The following OVOL2 variants were observed in gnomAD, a reference collection of about 807,000 sequenced individuals.
The protein encoded by OVOL2 is transcription factor Ovo-like 2.
Under a neutral mutation model 18.1 loss-of-function variants are expected in OVOL2, and 13 were observed. That is an observed-to-expected ratio of 0.72 (90% confidence interval 0.47 to 1.14). The LOEUF (loss-of-function observed/expected upper bound fraction) is 1.14. OVOL2 is among the 50% of genes most tolerant of loss of function. OVOL2 has a pLI of 0.00. For missense variants in OVOL2, 335 were observed against 383.0 expected, an observed-to-expected ratio of 0.87 and a Z score of 1.05; for synonymous variants, 166 against 162.7, an observed-to-expected ratio of 1.02 and a Z score of -0.16.
chr20:18,043,330 A>G (rs2036692754), intron 2 of OVOL2, among the ~76,000 whole-genome samples: 1 of 152,158 alleles, frequency 6.6e-6, no homozygotes. Flanking sequence ...GACCAGTTGG[A>G]TCAACAGAAT....
upstream of OVOL2, among the ~76,000 whole-genome samples, chr20:18,058,410 C>CA (rs1043299847): frequency 6.8e-6 from 1 of 147,944 alleles, no homozygotes; most frequent in African/African-American, 2.6e-5. Context: ...CAACACCCCC[C>CA]CCCCATAAGC....
chr20:18,034,569 G>C (rs1455225712), intron 3 of OVOL2, among the ~76,000 whole-genome samples: 1 of 151,568 alleles, frequency 6.6e-6, no homozygotes, highest in Non-Finnish European at 1.5e-5. Context: ...GCACAGGTCA[G>C]TTTCTCTCTT....
rs1445845468 is a variant in OVOL2, at chr20:18,057,179, C to A, written c.101-302G>T. Among the ~76,000 whole-genome samples the A allele has an allele frequency of 6.6e-6, 1 of 151,710 alleles. No homozygotes were observed. The highest frequency in any genetic ancestry group is 2.4e-5 in the African/African-American group (1 of 41,258). On this transcript the variant is annotated intron_variant, in intron 1 of 3. Coordinates refer to ENST00000278780, the MANE Select transcript of OVOL2 (RefSeq NM_021220.4). This position sits in a 1 kb window ranked among gnomAD's most constrained non-coding sequence, Gnocchi z 6.3. Reference sequence around the variant, plus strand: ...GCGGGGGAGGCGGATCTGACCTCTCCCCAGCTAGCCCCAGAAGGGTTGGCG... The same window carrying A: ...GCGGGGGAGGCGGATCTGACCTCTCACCAGCTAGCCCCAGAAGGGTTGGCG...
intron 3 of OVOL2, among the ~76,000 whole-genome samples, chr20:18,039,165 G>C (rs988702245): frequency 6.6e-5 from 10 of 152,228 alleles, no homozygotes; most frequent in East Asian, 3.8e-4. Flanking sequence ...CAGACTGAGA[G>C]GGGTAGTGAC....
Position 18,041,601 on chromosome 20 carries a change from C to T in OVOL2, c.444G>A (p.Leu148=), listed in dbSNP as rs2036669031. ...LKCHNQVKRH[L]CTFCGKGFND... is the part of the protein sequence containing the mutation. The stretch of plus-strand genomic sequence containing the variant: ...TGAAGCCCTTGCCGCAGAAGGTGCA[C>T]AGGTGTCTTTTCACCTGGTTGTGGC... Residue 148 remains leucine, a synonymous_variant, in exon 3 of 4, where the codon CTG becomes CTA. Transcript: ENST00000278780. 2 of 1,614,034 alleles carry T rather than the reference C, an allele frequency of 1.2e-6. No individual in the cohort carries two copies. Among genetic ancestry groups the T allele is most frequent in the African/African-American group, 1.3e-5 (1 of 74,932 alleles).
At chr20:18,025,944 G>A (rs936380550) in intron 3 of OVOL2, among the ~76,000 whole-genome samples, 14 of 152,268 alleles carry the variant, frequency 9.2e-5, no homozygotes, top group Non-Finnish European at 1.2e-4. Flanking sequence ...GTGCAGGGGT[G>A]GACAGTTGCC....
At chr20:18,027,009 C>T (rs1276419435) in intron 3 of OVOL2, among the ~76,000 whole-genome samples, 2 of 152,146 alleles carry the variant, frequency 1.3e-5, no homozygotes, top group Non-Finnish European at 2.9e-5. Flanking sequence ...ACGCGCACTA[C>T]CTGGGTGACG....
At position 18,056,391 on chromosome 20, in the gene OVOL2, C is replaced by T. The variant is rs1042185986; in HGVS notation, c.321+266G>A. 6.6e-6 allele frequency among the ~76,000 whole-genome samples: 1 copy of T among 152,172 alleles called. No homozygotes were observed. Among genetic ancestry groups the T allele is most frequent in the African/African-American group, 2.4e-5 (1 of 41,454 alleles). ...GCCTTTTCGGCAGTTCCAGAGGCAG[C>T]ACTCGGCATCAGGCGGGGCCACCGG... On this transcript the variant is annotated intron_variant, in intron 2 of 3. Coordinates refer to ENST00000278780, the MANE Select transcript of OVOL2 (RefSeq NM_021220.4). This position sits in a 1 kb window ranked among gnomAD's most constrained non-coding sequence, Gnocchi z 4.2.
At chr20:18,052,746 G>A (rs1329632093) in intron 2 of OVOL2, among the ~76,000 whole-genome samples, 1 of 152,196 alleles carries the variant, frequency 6.6e-6, no homozygotes, top group Non-Finnish European at 1.5e-5. Flanking sequence ...CAAAAAGAAA[G>A]AACAGAATAG....
At chr20:18,058,409 C>CG, upstream of OVOL2, among the ~76,000 whole-genome samples, 1 of 147,952 alleles carries the variant, frequency 6.8e-6, no homozygotes, top group East Asian at 2.0e-4. Context: ...ACAACACCCC[C>CG]CCCCCATAAG....
chr20:18,038,994 A>C (rs1272385218), intron 3 of OVOL2, among the ~76,000 whole-genome samples: 1 of 152,174 alleles, frequency 6.6e-6, no homozygotes, highest in Non-Finnish European at 1.5e-5. Context: ...AGACTCACAG[A>C]GGTCAAACTT....
chr20:18,056,972 GC>G lies in OVOL2; in HGVS notation c.101-96del, dbSNP rs1034694092. 4.5e-5 allele frequency: 60 copies of G among 1,337,312 alleles called. No homozygotes were observed. Among genetic ancestry groups the G allele is most frequent in the Non-Finnish European group, 5.4e-5 (56 of 1,040,296 alleles). 82.8% of individuals were successfully genotyped at this position (1,337,312 alleles called of 1,614,324 possible). Reference sequence around the variant, plus strand: ...CTGCGGGCGGTGCTGCCGCCGCCCCGCCCCGGACCTGGGCACCTCGCCAAGT... The same window carrying G: ...CTGCGGGCGGTGCTGCCGCCGCCCCGCCCGGACCTGGGCACCTCGCCAAGT... On this transcript the variant is annotated intron_variant, in intron 1 of 3. Coordinates refer to ENST00000278780, the MANE Select transcript of OVOL2 (RefSeq NM_021220.4). The surrounding 1 kb of genome is among the most constrained non-coding windows in gnomAD (Gnocchi z 4.2).
intron 2 of OVOL2, among the ~76,000 whole-genome samples, chr20:18,047,849 G>T (rs1381740612): frequency 3.2e-5 from 2 of 61,886 alleles, no homozygotes; most frequent in Admixed American, 2.7e-4. Flanking sequence ...GTGAGACTCC[G>T]TCTCAAAAAA....
At position 18,035,428 on chromosome 20, in the gene OVOL2, A is replaced by G. The variant is rs532848719; in HGVS notation, c.511+6106T>C. Among the ~76,000 whole-genome samples the G allele has an allele frequency of 7.0e-4, 106 of 152,372 alleles. 1 individual carries two copies. The South Asian group carries it at 0.021, about 30-fold the overall frequency. On this transcript the variant is annotated intron_variant, in intron 3 of 3. Coordinates refer to ENST00000278780, the MANE Select transcript of OVOL2 (RefSeq NM_021220.4). ...GCCAAGACGGGAGCCACTGTACTCC[A>G]GCCTGGGCAACAGAGCAAGACTCCA...
chr20:18,025,037 C>G, intron 3 of OVOL2, 85 bp from the exon 4 acceptor site: 2 of 1,469,106 alleles, frequency 1.4e-6, no homozygotes, highest in Admixed American at 4.1e-5. Flanking sequence ...AAAGTCATGC[C>G]ATGACCAAGG....
chr20:18,052,403 T>G (rs968082377), intron 2 of OVOL2, among the ~76,000 whole-genome samples: 1 of 152,090 alleles, frequency 6.6e-6, no homozygotes, highest in African/African-American at 2.4e-5. Flanking sequence ...GATCATGAAT[T>G]TTGGTCTTTA....
chr20:18,058,542 AC>A (rs1183290257), upstream of OVOL2, among the ~76,000 whole-genome samples: 1 of 151,308 alleles, frequency 6.6e-6, no homozygotes, highest in South Asian at 2.1e-4. Context: ...AAGACGTTGC[AC>A]CCCCCGAGAG....
chr20:18,048,694 G>A (rs1411025915), intron 2 of OVOL2, among the ~76,000 whole-genome samples: 1 of 152,154 alleles, frequency 6.6e-6, no homozygotes, highest in African/African-American at 2.4e-5. Flanking sequence ...GTGACAGAGA[G>A]AGACCCTGTC....
chr20:18,050,025 A>G (rs1341653590), intron 2 of OVOL2, among the ~76,000 whole-genome samples: 1 of 152,182 alleles, frequency 6.6e-6, no homozygotes, highest in Non-Finnish European at 1.5e-5. Context: ...GAGGAACTCA[A>G]CAAAAACTTG....
Sources: gnomAD v4.1 joint callset for allele counts (sites outside exome capture counted in the v4.1 genomes callset) on GRCh38, gnomAD v4.1.1 for gene constraint, Gnocchi (gnomAD v3.1) non-coding constraint, MANE v1.5 for transcripts, NCBI Gene and HGNC (gene_info 2026-07-23, HGNC 2026-07-21) for gene names.